LPP: variants seen among roughly 807,000 people sequenced by gnomAD.
The protein encoded by LPP is lipoma-preferred partner.
LPP carries 38 observed loss-of-function variants against 60.4 expected under a neutral mutation model. The observed-to-expected ratio is 0.63, with a 90% CI of 0.49 to 0.83. LPP has a LOEUF of 0.83. Ranked by LOEUF, LPP falls within the 40% of genes least tolerant of loss-of-function variation. LPP has a pLI of 0.00. For missense variants in LPP, 902 were observed against 783.6 expected, an observed-to-expected ratio of 1.15 and a Z score of -1.80; for synonymous variants, 328 against 290.8, an observed-to-expected ratio of 1.13 and a Z score of -1.30.
At chr3:188,181,018 A>G (rs907070802) in intron 1 of LPP, among the ~76,000 whole-genome samples, 2 of 152,092 alleles carry the variant, frequency 1.3e-5, no homozygotes, top group Non-Finnish European at 2.9e-5. Context: ...TTTCAGAGAG[A>G]ACATGTTGTC....
At chr3:188,846,746 CT>C (rs1211890603) in intron 9 of LPP, among the ~76,000 whole-genome samples, 5 of 150,074 alleles carry the variant, frequency 3.3e-5, no homozygotes, top group Non-Finnish European at 3.0e-5. Flanking sequence ...TGTAAGTAAT[CT>C]TATCTGGCTA....
intron 4 of LPP, among the ~76,000 whole-genome samples, chr3:188,481,571 G>A (rs954913163): frequency 2.0e-5 from 3 of 152,186 alleles, no homozygotes; most frequent in African/African-American, 7.2e-5. Context: ...TAGAGAAACA[G>A]AGTAAAGAAG....
chr3:188,614,252 A>G (rs928552854), intron 7 of LPP, among the ~76,000 whole-genome samples: 9 of 152,068 alleles, frequency 5.9e-5, no homozygotes, highest in African/African-American at 2.2e-4. Flanking sequence ...TGAAAAGAGA[A>G]AGTTATATAC....
chr3:188,572,970 C>T lies in LPP; in HGVS notation c.430-36191C>T, dbSNP rs1322104472. Among the ~76,000 whole-genome samples, 3 of 152,066 alleles carry T rather than the reference C, an allele frequency of 2.0e-5. No individual in the cohort carries two copies. The highest frequency in any genetic ancestry group is 7.2e-5 in the African/African-American group (3 of 41,424). On this transcript the variant is annotated intron_variant, in intron 6 of 11. Transcript: ENST00000617246. This position sits in a 1 kb window ranked among gnomAD's most constrained non-coding sequence, Gnocchi z 4.1. ...TGTCACTTCTTATATAGCTCCTTAG[C>T]CAAAACTATTCACATGGCCCTACCT... is the stretch of plus-strand genomic sequence containing the variant.
chr3:188,856,979 T>C (rs757305658), intron 9 of LPP, among the ~76,000 whole-genome samples: 3 of 152,222 alleles, frequency 2.0e-5, no homozygotes, highest in Non-Finnish European at 4.4e-5. Flanking sequence ...AATTTTATCA[T>C]ATTCTTATTG....
At position 188,889,691 on chromosome 3, in the gene LPP, G is replaced by A. The variant is rs1220791602; in HGVS notation, c.*15212G>A. The A allele has an allele frequency of 4.5e-6, 1 of 222,388 alleles. No individual in the cohort carries two copies. The highest frequency in any genetic ancestry group is 2.2e-5 in the African/African-American group (1 of 44,752). The allele number at this position is 222,388 out of a possible 1,614,324, so 13.8% of individuals were successfully genotyped here. A position where few individuals can be genotyped will look rare whatever the true frequency, so the allele number is the denominator to read the frequency against. On this transcript the variant is annotated 3_prime_UTR_variant, in exon 12 of 12. Coordinates refer to ENST00000617246, the MANE Select transcript of LPP (RefSeq NM_001375462.1). ...CACCATTCTCTTTTCCATATAAGGA[G>A]CCCCATTACATAAGCTACGGGTGAG... is the stretch of plus-strand genomic sequence containing the variant.
chr3:188,864,745 G>C (rs1184507891), intron 9 of LPP, among the ~76,000 whole-genome samples: 2 of 152,208 alleles, frequency 1.3e-5, no homozygotes, highest in Non-Finnish European at 2.9e-5. Context: ...GATGTTATGA[G>C]AACCATAAAG....
At chr3:188,640,906 A>G (rs1849979808) in intron 7 of LPP, among the ~76,000 whole-genome samples, 1 of 152,240 alleles carries the variant, frequency 6.6e-6, no homozygotes, top group African/African-American at 2.4e-5. Context: ...TTCTCCAAAA[A>G]ATAAGGCCAA....
Position 188,607,165 on chromosome 3 carries a change from A to ACT in LPP, c.430-1995_430-1994dup, listed in dbSNP as rs1553940996. ...CACACACACACACACACACACACAC[A>ACT]CTATTTAAACATCCTGAAGTCTTTG... is the stretch of plus-strand genomic sequence containing the variant. On this transcript the variant is annotated intron_variant, in intron 6 of 11. Transcript: ENST00000617246. Among the ~76,000 whole-genome samples, 1,029 of 125,450 alleles carry ACT rather than the reference A, an allele frequency of 8.2e-3. 16 individuals are homozygous for ACT. The highest frequency in any genetic ancestry group is 0.029 in the African/African-American group (986 of 33,828). 82.3% of individuals were successfully genotyped at this position (125,450 alleles called of 152,430 possible).
rs528160835 is a variant in LPP, at chr3:188,584,489, G to A, written c.430-24672G>A. On this transcript the variant is annotated intron_variant, in intron 6 of 11. Coordinates refer to ENST00000617246, the MANE Select transcript of LPP (RefSeq NM_001375462.1). ...AGGAATTTTTCTTTAAAAAGTAAGC[G>A]CTTCTTTCCCATTTTAGATTAGAAA... is the stretch of plus-strand genomic sequence containing the variant. 4.6e-5 allele frequency: 7 copies of A among 151,446 alleles called. No individual in the cohort carries two copies. The South Asian group carries it at 1.0e-3, about 22-fold the overall frequency. The allele number at this position is 151,446 out of a possible 1,614,324, so 9.4% of individuals were successfully genotyped here. A position where few individuals can be genotyped will look rare whatever the true frequency, so the allele number is the denominator to read the frequency against.
Position 188,609,156 on chromosome 3 carries a change from T to G in LPP, c.430-5T>G, listed in dbSNP as rs770654027. On this transcript the variant is annotated splice_polypyrimidine_tract_variant and splice_region_variant and intron_variant, in intron 6 of 11. Transcript: ENST00000617246. This position sits in a 1 kb window ranked among gnomAD's most constrained non-coding sequence, Gnocchi z 6.9. ...TTTCTTTCTTTTTTTTCCTATTCTT[T>G]TTAGAGCTCCACTGGTTCAACAGCC... is the stretch of plus-strand genomic sequence containing the variant. 1.3e-5 allele frequency: 21 copies of G among 1,571,762 alleles called. No homozygotes were observed. The highest frequency in any genetic ancestry group is 1.8e-5 in the Non-Finnish European group (21 of 1,159,318).
In LPP at chr3:188,889,277, A is replaced by C. The variant is rs753137335; in HGVS notation, c.*14798A>C. Reference sequence around the variant, plus strand: ...TCAATACTGTTGATGGAGCAGCAGCATAGCCTAGAGTGATGCATTCTTACC... The same window carrying C: ...TCAATACTGTTGATGGAGCAGCAGCCTAGCCTAGAGTGATGCATTCTTACC... On this transcript the variant is annotated 3_prime_UTR_variant, in exon 12 of 12. Coordinates refer to ENST00000617246, the MANE Select transcript of LPP (RefSeq NM_001375462.1). 4.3e-6 allele frequency: 1 copy of C among 231,256 alleles called. No homozygotes were observed. Among genetic ancestry groups the C allele is most frequent in the Admixed American group, 5.6e-5 (1 of 17,716 alleles). 14.3% of individuals were successfully genotyped at this position (231,256 alleles called of 1,614,324 possible). A position where few individuals can be genotyped will look rare whatever the true frequency, so the allele number is the denominator to read the frequency against.
chr3:188,535,071 C>T lies in LPP; in HGVS notation c.429+10284C>T, dbSNP rs1275177117. The stretch of plus-strand genomic sequence containing the variant: ...AAATATACAAAGTGAGCACGTGTTG[C>T]TGTTGAGCCAGCAGTTACAGTTTTC... On this transcript the variant is annotated intron_variant, in intron 6 of 11. Transcript: ENST00000617246. 2.0e-5 allele frequency among the ~76,000 whole-genome samples: 3 copies of T among 152,130 alleles called. No homozygotes were observed. The East Asian group carries it at 5.8e-4, about 29-fold the overall frequency.
intron 2 of LPP, among the ~76,000 whole-genome samples, chr3:188,330,418 C>G (rs1217816482): frequency 6.6e-6 from 1 of 151,992 alleles, no homozygotes; most frequent in Non-Finnish European, 1.5e-5. Context: ...TGTTTTTTTC[C>G]TAGTTCTCAT....
chr3:188,684,785 C>T (rs1860308010), intron 7 of LPP, among the ~76,000 whole-genome samples: 1 of 151,236 alleles, frequency 6.6e-6, no homozygotes, highest in Non-Finnish European at 1.5e-5. Flanking sequence ...CCCTGTGTTA[C>T]TGTGTCATCT....
intron 8 of LPP, among the ~76,000 whole-genome samples, chr3:188,735,808 A>G (rs2150105030): frequency 6.6e-6 from 1 of 152,340 alleles, no homozygotes; most frequent in African/African-American, 2.4e-5. Context: ...TAAACAAGTG[A>G]CAACGGGGCT....
At chr3:188,237,083 T>C (rs1226374777) in intron 2 of LPP, among the ~76,000 whole-genome samples, 1 of 151,982 alleles carries the variant, frequency 6.6e-6, no homozygotes, top group African/African-American at 2.4e-5. Flanking sequence ...ACTTTTTTTT[T>C]TGTTGTCATT....
At chr3:188,584,187 G>T (rs1836892366) in intron 6 of LPP, among the ~76,000 whole-genome samples, 1 of 152,116 alleles carries the variant, frequency 6.6e-6, no homozygotes, top group Non-Finnish European at 1.5e-5. Context: ...TTTCTGTCAA[G>T]CTTTTGGGGG....
At chr3:188,334,422 C>CTTTCT (rs755544295) in intron 2 of LPP, among the ~76,000 whole-genome samples, 8 of 98,676 alleles carry the variant, frequency 8.1e-5, no homozygotes, top group African/African-American at 3.2e-4. Flanking sequence ...ATATTTCTTT[C>CTTTCT]TTTTTTTTTT....
Sources: allele counts gnomAD v4.1 joint callset (sites outside exome capture counted in the v4.1 genomes callset), GRCh38; gene constraint gnomAD v4.1.1; non-coding constraint Gnocchi (gnomAD v3.1); transcripts MANE v1.5; gene names NCBI Gene and HGNC (gene_info 2026-07-23, HGNC 2026-07-21).